Variants in SPCS2 observed in about 807,000 individuals in gnomAD.
SPCS2 encodes SPase 25 kDa subunit.
A neutral mutation model predicts 22.3 loss-of-function variants in SPCS2; 3 were observed. That is an observed-to-expected ratio of 0.13 (90% confidence interval 0.06 to 0.35). SPCS2 has a LOEUF of 0.35. Among genes scored for constraint, SPCS2 ranks in the 10% least tolerant of loss-of-function variants. SPCS2 has a pLI of 1.00. For missense variants in SPCS2, 169 were observed against 280.9 expected (o/e 0.60, Z 2.85); for synonymous variants, 67 against 97.2 (o/e 0.69, Z 1.83).
intron 1 of SPCS2, among the ~76,000 whole-genome samples, chr11:74,957,301 TAAAAAG>T (rs999843505): frequency 6.6e-6 from 1 of 152,132 alleles, no homozygotes; most frequent in African/African-American, 2.4e-5. Context: ...GCAGTTTCCT[TAAAAAG>T]AAAAAGAAAC....
At position 74,977,823 on chromosome 11, in the gene SPCS2, T is replaced by C. The variant is rs1473558976; in HGVS notation, c.*780T>C. ...ATAGGTTTTTTTCATTTTTAGGCTA[T>C]TTTACTTGTCAAAGGCCCCTGAGAA... On this transcript the variant is annotated 3_prime_UTR_variant, in exon 5 of 5. Transcript: ENST00000263672. 1 of 152,522 alleles carries C rather than the reference T, an allele frequency of 6.6e-6. No individual in the cohort carries two copies. The highest frequency in any genetic ancestry group is 1.5e-5 in the Non-Finnish European group (1 of 68,030). 9.4% of individuals were successfully genotyped at this position (152,522 alleles called of 1,614,324 possible).
At chr11:74,952,267 G>A (rs1169323096) in intron 1 of SPCS2, among the ~76,000 whole-genome samples, 1 of 152,100 alleles carries the variant, frequency 6.6e-6, no homozygotes, top group Non-Finnish European at 1.5e-5. Flanking sequence ...GCCATTGAAA[G>A]TAATGGCAAA....
At chr11:74,950,652 C>T (rs1234133250) in intron 1 of SPCS2, among the ~76,000 whole-genome samples, 1 of 152,172 alleles carries the variant, frequency 6.6e-6, no homozygotes, top group Non-Finnish European at 1.5e-5. Context: ...TCTTCCCACC[C>T]CAGCTTCCTG....
At chr11:74,974,918 G>C (rs896522191) in intron 4 of SPCS2, among the ~76,000 whole-genome samples, 3 of 152,018 alleles carry the variant, frequency 2.0e-5, no homozygotes, top group African/African-American at 7.2e-5. Context: ...CCGGCCCACT[G>C]TAATGATGTT....
chr11:74,966,895 C>T (rs750348619), intron 3 of SPCS2, among the ~76,000 whole-genome samples: 2 of 152,042 alleles, frequency 1.3e-5, no homozygotes, highest in Non-Finnish European at 2.9e-5. Flanking sequence ...CCTGAGTAGA[C>T]GGGCACATGC....
intron 4 of SPCS2, among the ~76,000 whole-genome samples, chr11:74,975,550 A>G (rs1003302647): frequency 6.6e-6 from 1 of 152,232 alleles, no homozygotes; most frequent in Non-Finnish European, 1.5e-5. Flanking sequence ...ATGGACTGCC[A>G]CCAAAGCCAT....
intron 4 of SPCS2, among the ~76,000 whole-genome samples, chr11:74,974,677 C>T (rs1263952472): frequency 2.6e-5 from 4 of 152,270 alleles, no homozygotes; most frequent in East Asian, 1.9e-4. Context: ...TGCAGTGGCG[C>T]GATCTCGGCT....
At chr11:74,970,877 A>G (rs1000352338) in intron 4 of SPCS2, among the ~76,000 whole-genome samples, 2 of 152,204 alleles carry the variant, frequency 1.3e-5, no homozygotes, top group South Asian at 2.1e-4. Flanking sequence ...CCTACCATAC[A>G]TACAGTTCAC....
intron 1 of SPCS2, among the ~76,000 whole-genome samples, chr11:74,951,913 T>TA (rs1004421221): frequency 6.7e-6 from 1 of 150,364 alleles, no homozygotes; most frequent in Non-Finnish European, 1.5e-5. Flanking sequence ...ACATGCCAGG[T>TA]AAAAAAGTCT....
chr11:74,968,210 A>G (rs1056640831), intron 3 of SPCS2: 1 of 152,186 alleles, frequency 6.6e-6, no homozygotes, highest in African/African-American at 2.4e-5. Flanking sequence ...ATGCTTCATG[A>G]ATTTGCCTGT....
chr11:74,972,319 C>T lies in SPCS2; in HGVS notation c.494+2620C>T, dbSNP rs189449741. ...CCTCAAGTGATCGCCTAGCCTTGGC[C>T]TCCCAAAGTGGTGGGATTACAGGTG... is the stretch of plus-strand genomic sequence containing the variant. On this transcript the variant is annotated intron_variant, in intron 4 of 4. Coordinates refer to ENST00000263672, the MANE Select transcript of SPCS2 (RefSeq NM_014752.3). Among the ~76,000 whole-genome samples, 635 of 152,308 alleles carry T rather than the reference C, an allele frequency of 4.2e-3. 3 individuals are homozygous for T. Among genetic ancestry groups the T allele is most frequent in the Non-Finnish European group, 6.0e-3 (411 of 68,020 alleles).
intron 3 of SPCS2, among the ~76,000 whole-genome samples, chr11:74,967,795 G>A (rs1215021692): frequency 6.6e-6 from 1 of 152,092 alleles, no homozygotes; most frequent in Non-Finnish European, 1.5e-5. Context: ...TTAGCTGGGT[G>A]TAGTGGCACA....
At chr11:74,958,826 A>T (rs1948493916) in intron 1 of SPCS2, among the ~76,000 whole-genome samples, 1 of 152,120 alleles carries the variant, frequency 6.6e-6, no homozygotes, top group South Asian at 2.1e-4. Context: ...TCTGTTGAGC[A>T]TTGAGGCTCT....
chr11:74,978,960 A>G lies in SPCS2; in HGVS notation c.*1917A>G, dbSNP rs563005935. 2 of 152,142 alleles carry G rather than the reference A, an allele frequency of 1.3e-5. No homozygotes were observed. The highest frequency in any genetic ancestry group is 2.9e-5 in the Non-Finnish European group (2 of 68,040). The allele number at this position is 152,142 out of a possible 1,614,324, so 9.4% of individuals were successfully genotyped here. On this transcript the variant is annotated 3_prime_UTR_variant, in exon 5 of 5. Coordinates refer to ENST00000263672, the MANE Select transcript of SPCS2 (RefSeq NM_014752.3). ...ATATGTCCTGTAATTTGTGTTTTAAACTTAATATATCTTAGGCATTTTCCC... is the reference window on the plus strand; with the variant it reads ...ATATGTCCTGTAATTTGTGTTTTAAGCTTAATATATCTTAGGCATTTTCCC...
intron 4 of SPCS2, among the ~76,000 whole-genome samples, chr11:74,971,284 T>C (rs1004185675): frequency 3.3e-5 from 5 of 152,372 alleles, no homozygotes; most frequent in Non-Finnish European, 7.3e-5. Flanking sequence ...TTCTACTTTT[T>C]GGCTATTATG....
intron 1 of SPCS2, among the ~76,000 whole-genome samples, chr11:74,955,654 C>T (rs561065611): frequency 6.6e-6 from 1 of 151,612 alleles, no homozygotes; most frequent in Non-Finnish European, 1.5e-5. Flanking sequence ...ATACTAAAAA[C>T]CACTGAATTG....
intron 1 of SPCS2, among the ~76,000 whole-genome samples, chr11:74,954,815 T>C (rs1948467549): frequency 6.6e-6 from 1 of 152,220 alleles, no homozygotes; most frequent in African/African-American, 2.4e-5. Context: ...CATTTTCAAA[T>C]CATATATCTG....
At chr11:74,970,669 C>A (rs1033075587) in intron 4 of SPCS2, among the ~76,000 whole-genome samples, 1 of 152,158 alleles carries the variant, frequency 6.6e-6, no homozygotes, top group African/African-American at 2.4e-5. Flanking sequence ...GGAAGCAGAC[C>A]TTCATTCTGT....
Position 74,978,822 on chromosome 11 carries a change from C to T in SPCS2, c.*1779C>T, listed in dbSNP as rs1027421199. ...AGGCTTGCAGATAGAGACTGAATAA[C>T]CCTCTCCATGATGATCCCTTAGAGT... On this transcript the variant is annotated 3_prime_UTR_variant, in exon 5 of 5. Transcript: ENST00000263672. The T allele has an allele frequency of 1.3e-5, 2 of 152,134 alleles. No homozygotes were observed. The highest frequency in any genetic ancestry group is 4.8e-5 in the African/African-American group (2 of 41,410). The allele number at this position is 152,134 out of a possible 1,614,324, so 9.4% of individuals were successfully genotyped here.
Sources: gnomAD v4.1 joint callset for allele counts (sites outside exome capture counted in the v4.1 genomes callset) on GRCh38, gnomAD v4.1.1 for gene constraint, MANE v1.5 for transcripts, NCBI Gene and HGNC (gene_info 2026-07-23, HGNC 2026-07-21) for gene names.